The following CD83 variants were observed in gnomAD, a reference collection of about 807,000 sequenced individuals.
CD83 encodes CD83 antigen.
Under a neutral mutation model 24.6 loss-of-function variants are expected in CD83, and 22 were observed. The ratio of observed to expected loss-of-function variants is 0.90; its 90% CI spans 0.64 to 1.28. The LOEUF is 1.28. CD83 is among the 50% of genes most tolerant of loss of function. The pLI is 0.00. For missense variants in CD83, 253 were observed against 252.8 expected (o/e 1.00, Z -0.01); for synonymous variants, 101 against 103.5 (o/e 0.98, Z 0.14).
intron 2 of CD83, among the ~76,000 whole-genome samples, chr6:14,128,609 T>A (rs2113397474): frequency 6.6e-6 from 1 of 152,224 alleles, no homozygotes; most frequent in East Asian, 1.9e-4. Context: ...TCTGGGTCAT[T>A]TAGGAAAAGG....
rs1013282976 is a variant in CD83, at chr6:14,135,383, C to T, written c.*147C>T. On this transcript the variant is annotated 3_prime_UTR_variant, in exon 5 of 5. Coordinates refer to ENST00000379153, the MANE Select transcript of CD83 (RefSeq NM_004233.4). Reference sequence around the variant, plus strand: ...ACTGAAAACATCTGGAAGGGGATCCCACCCCATTTTCTGTGGGCAGGCCTC... The same window carrying T: ...ACTGAAAACATCTGGAAGGGGATCCTACCCCATTTTCTGTGGGCAGGCCTC... 2.4e-5 allele frequency: 21 copies of T among 863,990 alleles called. No individual in the cohort carries two copies. In the African/African-American group the frequency reaches 3.2e-4, roughly 13 times the overall value. 53.5% of individuals were successfully genotyped at this position (863,990 alleles called of 1,614,324 possible).
intron 3 of CD83, among the ~76,000 whole-genome samples, chr6:14,132,617 A>G (rs765331571): frequency 4.6e-5 from 7 of 152,162 alleles, no homozygotes; most frequent in Non-Finnish European, 8.8e-5. Flanking sequence ...GTGAAGGTTA[A>G]ATGAGAAGTT....
intron 2 of CD83, among the ~76,000 whole-genome samples, chr6:14,118,415 C>A (rs180933536): frequency 6.6e-6 from 1 of 152,272 alleles, no homozygotes; most frequent in Admixed American, 6.5e-5. Flanking sequence ...AGGAAGAAAG[C>A]AACAGGGACC....
intron 2 of CD83, among the ~76,000 whole-genome samples, chr6:14,125,517 A>G (rs1305668494): frequency 6.6e-6 from 1 of 152,176 alleles, no homozygotes; most frequent in Non-Finnish European, 1.5e-5. Flanking sequence ...CTTATGTCTG[A>G]TTATTCTCAA....
intron 2 of CD83, among the ~76,000 whole-genome samples, chr6:14,121,980 C>G (rs529877520): frequency 6.6e-6 from 1 of 152,152 alleles, no homozygotes; most frequent in East Asian, 1.9e-4. Flanking sequence ...ATGCTAGGAG[C>G]CCTGACAGCC....
At position 14,129,080 on chromosome 6, in the gene CD83, G is replaced by A. The variant is rs1759886795; in HGVS notation, c.154-2440G>A. Among the ~76,000 whole-genome samples the A allele has an allele frequency of 6.6e-6, 1 of 152,200 alleles. No individual in the cohort carries two copies. The highest frequency in any genetic ancestry group is 1.5e-5 in the Non-Finnish European group (1 of 68,028). ...GATGGGCCTTTCTGAGCTGAGGGAG[G>A]GGTTGCTGGATGGGAGAGGAGCTTC... On this transcript the variant is annotated intron_variant, in intron 2 of 4. Transcript: ENST00000379153. This position sits in a 1 kb window ranked among gnomAD's most constrained non-coding sequence, Gnocchi z 4.3.
chr6:14,133,751 C>T lies in CD83; in HGVS notation c.485C>T (p.Thr162Ile), dbSNP rs781703320. The part of the protein sequence containing the change: ...VIFYLTLIIF[T>I]CKFARLQSIF... ...TTCTACTTAACACTCATCATTTTCA[C>T]TTGTGTAAGTATCTTCTTAAAACAT... The change falls in exon 4 of 5, where the codon ACT (threonine) becomes ATT (isoleucine). Residue 162 changes from threonine to isoleucine, a missense_variant. Transcript: ENST00000379153. The T allele has an allele frequency of 1.3e-6, 2 of 1,593,284 alleles. No homozygotes were observed. Among genetic ancestry groups the T allele is most frequent in the Non-Finnish European group, 1.7e-6 (2 of 1,161,566 alleles).
rs896332920 is a variant in CD83 at position 14,129,823 on chromosome 6, G to A, written c.154-1697G>A. 3.4e-5 allele frequency among the ~76,000 whole-genome samples: 5 copies of A among 145,196 alleles called. No individual in the cohort carries two copies. In the South Asian group the frequency reaches 8.6e-4, roughly 25 times the overall value. On this transcript the variant is annotated intron_variant, in intron 2 of 4. Transcript: ENST00000379153. The surrounding 1 kb of genome is among the most constrained non-coding windows in gnomAD (Gnocchi z 4.3). The stretch of plus-strand genomic sequence containing the variant: ...TATATGCTCTGAATTAATAAATGAA[G>A]CAGAAATGACTGTGTGTGTGTGTGT...
chr6:14,133,113 G>A (rs565633388), intron 3 of CD83, among the ~76,000 whole-genome samples: 101 of 152,352 alleles, frequency 6.6e-4, no homozygotes, highest in Admixed American at 2.0e-3. Context: ...ATCTGTTGAC[G>A]TATTTGGCAA....
At position 14,129,769 on chromosome 6, in the gene CD83, G is replaced by A. The variant is rs1759903494; in HGVS notation, c.154-1751G>A. Among the ~76,000 whole-genome samples, 1 of 152,040 alleles carries A rather than the reference G, an allele frequency of 6.6e-6. No homozygotes were observed. On this transcript the variant is annotated intron_variant, in intron 2 of 4. Transcript: ENST00000379153. The surrounding 1 kb of genome is among the most constrained non-coding windows in gnomAD (Gnocchi z 4.3). ...AGGAATGCTCACAAACACCAGGGCT[G>A]GAGCCTGAGCTTTCCGGTGACCTTG...
At chr6:14,127,396 T>C (rs1759843988) in intron 2 of CD83, among the ~76,000 whole-genome samples, 1 of 152,154 alleles carries the variant, frequency 6.6e-6, no homozygotes, top group African/African-American at 2.4e-5. Flanking sequence ...GCTTCAAATA[T>C]GGTAATGTAG....
chr6:14,131,703 G>C lies in CD83; in HGVS notation c.337G>C (p.Asp113His). 1 of 1,614,204 alleles carries C rather than the reference G, an allele frequency of 6.2e-7. No homozygotes were observed. Among genetic ancestry groups the C allele is most frequent in the Admixed American group, 1.7e-5 (1 of 60,030 alleles). The change falls in exon 3 of 5, where the codon GAT (aspartate) becomes CAT (histidine). Residue 113 changes from aspartate to histidine, a missense_variant. Asp to His is a moderately conservative substitution (Grantham distance 81). Coordinates refer to ENST00000379153, the MANE Select transcript of CD83 (RefSeq NM_004233.4). ...GTYRCTLQDP[D>H]GQRNLSGKVI... Reference sequence around the variant, plus strand: ...ATACAGGTGCACTCTGCAGGACCCGGATGGGCAGAGAAACCTAAGTGGCAA... The same window carrying C: ...ATACAGGTGCACTCTGCAGGACCCGCATGGGCAGAGAAACCTAAGTGGCAA...
rs1194085327 is a variant in CD83 at position 14,133,688 on chromosome 6, A to G, written c.422A>G (p.Tyr141Cys). 34 of 1,613,976 alleles carry G rather than the reference A, an allele frequency of 2.1e-5. No homozygotes were observed. Among genetic ancestry groups the G allele is most frequent in the Non-Finnish European group, 2.6e-5 (31 of 1,179,842 alleles). The change falls in exon 4 of 5, where the codon TAC (tyrosine) becomes TGC (cysteine). Residue 141 changes from tyrosine to cysteine, a missense_variant. Coordinates refer to ENST00000379153, the MANE Select transcript of CD83 (RefSeq NM_004233.4). ...CGTAAAGAAGAGACTTTTAAGAAAT[A>G]CAGAGCGGAGATTGTCCTGCTGCTG... ...AQRKEETFKK[Y>C]RAEIVLLLAL...
At position 14,129,833 on chromosome 6, in the gene CD83, C is replaced by CTCTGTG. The variant is rs367556018; in HGVS notation, c.154-1686_154-1685insCTGTGT. ...GAATTAATAAATGAAGCAGAAATGA[C>CTCTGTG]TGTGTGTGTGTGTGTGTGTGTGTGT... On this transcript the variant is annotated intron_variant, in intron 2 of 4. Coordinates refer to ENST00000379153, the MANE Select transcript of CD83 (RefSeq NM_004233.4). This position sits in a 1 kb window ranked among gnomAD's most constrained non-coding sequence, Gnocchi z 4.3. Among the ~76,000 whole-genome samples the CTCTGTG allele has an allele frequency of 4.7e-5, 7 of 147,708 alleles. No homozygotes were observed. Among genetic ancestry groups the CTCTGTG allele is most frequent in the African/African-American group, 1.2e-4 (5 of 40,272 alleles).
intron 2 of CD83, among the ~76,000 whole-genome samples, chr6:14,124,236 C>T (rs1759735716): frequency 2.0e-5 from 3 of 152,130 alleles, no homozygotes; most frequent in Admixed American, 6.5e-5. Flanking sequence ...CTTGGAGGAC[C>T]AGTCTACTGC....
At chr6:14,126,996 T>C (rs947574246) in intron 2 of CD83, among the ~76,000 whole-genome samples, 1 of 152,112 alleles carries the variant, frequency 6.6e-6, no homozygotes, top group Non-Finnish European at 1.5e-5. Context: ...TTTATTTTTT[T>C]ATTTTTTTTT....
In CD83 at chr6:14,136,467, A is replaced by AC. The variant is rs1384328647; in HGVS notation, c.*1232dup. ...CACACGGGAGCCGCTGGCAGAAGGG[A>AC]CTTCACGAAGTGTTGCATGGATGTT... On this transcript the variant is annotated 3_prime_UTR_variant, in exon 5 of 5. Transcript: ENST00000379153. The AC allele has an allele frequency of 1.3e-5, 2 of 152,156 alleles. No homozygotes were observed. Among genetic ancestry groups the AC allele is most frequent in the African/African-American group, 4.8e-5 (2 of 41,422 alleles). 9.4% of individuals were successfully genotyped at this position (152,156 alleles called of 1,614,324 possible).
intron 2 of CD83, among the ~76,000 whole-genome samples, chr6:14,124,553 G>A (rs78636655): frequency 0.022 from 3,415 of 152,202 alleles, 118 homozygotes; most frequent in African/African-American, 0.078. Context: ...GTAAGCCCAG[G>A]GGACAAAGCA....
intron 2 of CD83, among the ~76,000 whole-genome samples, chr6:14,131,280 G>A (rs1178873762): frequency 6.6e-6 from 1 of 152,178 alleles, no homozygotes; most frequent in Non-Finnish European, 1.5e-5. Flanking sequence ...CTAATATAGG[G>A]TGGAAATTGG....
Sources: allele counts gnomAD v4.1 joint callset (sites outside exome capture counted in the v4.1 genomes callset), GRCh38; gene constraint gnomAD v4.1.1; non-coding constraint Gnocchi (gnomAD v3.1); transcripts MANE v1.5; gene names NCBI Gene and HGNC (gene_info 2026-07-23, HGNC 2026-07-21).